The following C8orf74 variants were observed in gnomAD, a reference collection of about 807,000 sequenced individuals.
C8orf74 encodes the protein chromosome 8 open reading frame 74.
In C8orf74, 29 loss-of-function variants were observed where a neutral mutation model predicts 22.2. The observed-to-expected ratio is 1.31, with a 90% CI of 0.97 to 1.78. The LOEUF is 1.78. Among genes scored for constraint, C8orf74 ranks in the 40% most tolerant of loss-of-function variants. C8orf74 has a pLI of 0.00. For missense variants in C8orf74, 515 were observed against 369.9 expected (o/e 1.39, Z -3.22); for synonymous variants, 255 against 163.1 (o/e 1.56, Z -4.30).
chr8:10,673,114 C>T (rs547797580), intron 1 of C8orf74, among the ~76,000 whole-genome samples: 15 of 152,120 alleles, frequency 9.9e-5, no homozygotes, highest in Admixed American at 2.0e-4. Context: ...CTCTGGGGGC[C>T]GAGGACAGGA....
chr8:10,691,113 G>C (rs1432945491), intron 2 of C8orf74: 1 of 364,468 alleles, frequency 2.7e-6, no homozygotes, highest in East Asian at 7.4e-5. Context: ...CTTCCAACAA[G>C]CTTTGCTGAA....
Position 10,691,444 on chromosome 8 carries a change from C to T in C8orf74, c.242-6155C>T, listed in dbSNP as rs76104713. The T allele has an allele frequency of 2.0e-3, 316 of 160,538 alleles. 3 individuals carry two copies. Among genetic ancestry groups the T allele is most frequent in the African/African-American group, 7.1e-3 (297 of 41,914 alleles). 9.9% of individuals were successfully genotyped at this position (160,538 alleles called of 1,614,324 possible). A position where few individuals can be genotyped will look rare whatever the true frequency, so the allele number is the denominator to read the frequency against. On this transcript the variant is annotated intron_variant, in intron 2 of 3. Transcript: ENST00000304519. ...AGGCAGACACAGCCACCCACAGCTG[C>T]AGGATGCAGGTGACCCCACCCCATG...
intron 2 of C8orf74, among the ~76,000 whole-genome samples, chr8:10,682,465 CT>C (rs1162161889): frequency 6.6e-6 from 1 of 152,176 alleles, no homozygotes; most frequent in Non-Finnish European, 1.5e-5. Flanking sequence ...CTCCCGAAGC[CT>C]CTCTCCTTGG....
Position 10,700,367 on chromosome 8 carries a change from G to GCCCCCCC in C8orf74, c.786_787insCCCCCCC (p.Thr263ProfsTer59). ...TCAGAAGAAGACTCTGAACCTCAACGCCCCCACCCCTATCCCGCCCCCCAT... is the reference window on the plus strand; with the variant it reads ...TCAGAAGAAGACTCTGAACCTCAACGCCCCCCCCCCCCACCCCTATCCCGCCCCCCAT... On this transcript the variant is annotated frameshift_variant, in exon 4 of 4. Coordinates refer to ENST00000304519, the MANE Select transcript of C8orf74 (RefSeq NM_001040032.2). LOFTEE classifies it low-confidence loss of function (END_TRUNC). 3.1e-6 allele frequency: 5 copies of GCCCCCCC among 1,590,908 alleles called. No homozygotes were observed. The highest frequency in any genetic ancestry group is 4.3e-6 in the Non-Finnish European group (5 of 1,159,744).
chr8:10,690,850 C>T (rs769494943), intron 2 of C8orf74: 8 of 456,144 alleles, frequency 1.8e-5, no homozygotes, highest in South Asian at 6.2e-5. Flanking sequence ...CTCCTCCACT[C>T]GTGCTGCATA....
intron 3 of C8orf74, among the ~76,000 whole-genome samples, chr8:10,699,029 G>C (rs1439219063): frequency 2.0e-5 from 3 of 152,098 alleles, no homozygotes; most frequent in South Asian, 2.1e-4. Flanking sequence ...GCACATCAGG[G>C]GGCCATGTGA....
At chr8:10,679,095 G>C (rs897492950) in intron 2 of C8orf74, among the ~76,000 whole-genome samples, 4 of 152,180 alleles carry the variant, frequency 2.6e-5, no homozygotes, top group African/African-American at 9.7e-5. Context: ...TTTCCTAGCT[G>C]TGGGACCTTG....
At chr8:10,688,742 A>C (rs1192472164) in intron 2 of C8orf74, 2 of 152,398 alleles carry the variant, frequency 1.3e-5, no homozygotes, top group African/African-American at 4.8e-5. Context: ...CTCTTCCCCC[A>C]TGGGAGTGTC....
intron 2 of C8orf74, among the ~76,000 whole-genome samples, chr8:10,694,039 C>T (rs1799438851): frequency 1.3e-5 from 2 of 152,204 alleles, no homozygotes; most frequent in African/African-American, 4.8e-5. Context: ...AGTGGCCCCA[C>T]CTCTGGCCCT....
At chr8:10,695,595 T>A (rs899100345) in intron 2 of C8orf74, among the ~76,000 whole-genome samples, 3 of 152,124 alleles carry the variant, frequency 2.0e-5, no homozygotes, top group Non-Finnish European at 2.9e-5. Flanking sequence ...TCAAGGTGAA[T>A]ATTTCCATAC....
Position 10,672,818 on chromosome 8 carries a change from C to A in C8orf74, c.48+105C>A, listed in dbSNP as rs1798944910. ...TCTTCAGGAGACCCCGGGGCAGCCA[C>A]CCCGGCTCAGCACAGCACCTCTGAG... On this transcript the variant is annotated intron_variant, in intron 1 of 3. Transcript: ENST00000304519. The A allele has an allele frequency of 4.0e-6, 4 of 995,954 alleles. No homozygotes were observed. The South Asian group carries it at 5.6e-5, about 14-fold the overall frequency. 61.7% of individuals were successfully genotyped at this position (995,954 alleles called of 1,614,324 possible).
intron 3 of C8orf74, among the ~76,000 whole-genome samples, chr8:10,698,901 CCACACACACACACACACA>C (rs59324425): frequency 1.5e-4 from 20 of 137,628 alleles, no homozygotes; most frequent in South Asian, 7.7e-4. Flanking sequence ...TACACACACA[CCACACACACACACACACA>C]CACACACACA....
rs922435930 is a variant in C8orf74 at position 10,698,040 on chromosome 8, TG to T, written c.648+38del. On this transcript the variant is annotated intron_variant, in intron 3 of 3. Coordinates refer to ENST00000304519, the MANE Select transcript of C8orf74 (RefSeq NM_001040032.2). Reference sequence around the variant, plus strand: ...TGCCCCCCTGCCGTGGGTGGGCACCTGGGCCTGCAGAGACACCAGCCAGGGC... The same window carrying T: ...TGCCCCCCTGCCGTGGGTGGGCACCTGGCCTGCAGAGACACCAGCCAGGGC... 4 of 1,441,658 alleles carry T rather than the reference TG, an allele frequency of 2.8e-6. No individual in the cohort carries two copies. The Admixed American group carries it at 8.1e-5, about 29-fold the overall frequency. The allele number at this position is 1,441,658 out of a possible 1,614,324, so 89.3% of individuals were successfully genotyped here.
intron 3 of C8orf74, among the ~76,000 whole-genome samples, chr8:10,699,302 C>T (rs1799600850): frequency 6.6e-6 from 1 of 152,222 alleles, no homozygotes; most frequent in Non-Finnish European, 1.5e-5. Flanking sequence ...CAGCTATGCA[C>T]CTGAGATGGG....
At chr8:10,693,563 C>A (rs866695441) in intron 2 of C8orf74, among the ~76,000 whole-genome samples, 1 of 152,354 alleles carries the variant, frequency 6.6e-6, no homozygotes, top group African/African-American at 2.4e-5. Context: ...TTGGGCCCCT[C>A]CTGTACACAA....
At chr8:10,674,121 G>T (rs1156382381) in intron 1 of C8orf74, among the ~76,000 whole-genome samples, 1 of 101,846 alleles carries the variant, frequency 9.8e-6, no homozygotes, top group African/African-American at 4.1e-5. Flanking sequence ...ATACCCTGCA[G>T]CCCCCATATC....
At chr8:10,699,366 T>C (rs1345626967) in intron 3 of C8orf74, among the ~76,000 whole-genome samples, 1 of 152,156 alleles carries the variant, frequency 6.6e-6, no homozygotes, top group Non-Finnish European at 1.5e-5. Flanking sequence ...AGCACAACCT[T>C]CCCCAATAAT....
In C8orf74 at chr8:10,700,108, G is replaced by A. The variant is rs77129701; in HGVS notation, c.649-127G>A. The A allele has an allele frequency of 7.6e-3, 4,273 of 561,606 alleles. 113 individuals are homozygous for A. Among genetic ancestry groups the A allele is most frequent in the African/African-American group, 0.068 (3,531 of 52,210 alleles). The allele number at this position is 561,606 out of a possible 1,614,324, so 34.8% of individuals were successfully genotyped here. A position where few individuals can be genotyped will look rare whatever the true frequency, so the allele number is the denominator to read the frequency against. Reference sequence around the variant, plus strand: ...AGAAGCCAGAGGTCCAGGCAACCACGGCCCGTGGGCAGGGTGAGACGGATG... The same window carrying A: ...AGAAGCCAGAGGTCCAGGCAACCACAGCCCGTGGGCAGGGTGAGACGGATG... On this transcript the variant is annotated intron_variant, in intron 3 of 3. Coordinates refer to ENST00000304519, the MANE Select transcript of C8orf74 (RefSeq NM_001040032.2).
intron 2 of C8orf74, among the ~76,000 whole-genome samples, chr8:10,685,789 G>A (rs1799250600): frequency 6.6e-6 from 1 of 152,224 alleles, no homozygotes; most frequent in Non-Finnish European, 1.5e-5. Context: ...GTTATAATCG[G>A]CCGGGTAAAG....
Sources: gnomAD v4.1 joint callset for allele counts (sites outside exome capture counted in the v4.1 genomes callset) on GRCh38, gnomAD v4.1.1 for gene constraint, MANE v1.5 for transcripts, NCBI Gene and HGNC (gene_info 2026-07-23, HGNC 2026-07-21) for gene names.